The following ADGRB3 variants were observed in gnomAD, a reference collection of about 807,000 sequenced individuals.
ADGRB3 encodes the protein adhesion G protein-coupled receptor B3, also known as brain-specific angiogenesis inhibitor 3.
Under a neutral mutation model 193.4 loss-of-function variants are expected in ADGRB3, and 37 were observed. The observed-to-expected ratio is 0.19, with a 90% confidence interval of 0.15 to 0.25. ADGRB3 has a LOEUF of 0.25. Ranked by LOEUF, ADGRB3 falls within the 10% of genes least tolerant of loss-of-function variation. ADGRB3 has a pLI of 1.00. For missense variants in ADGRB3, 1,637 were observed against 1,852.9 expected, an observed-to-expected ratio of 0.88 and a Z score of 2.14; for synonymous variants, 690 against 644.2, an observed-to-expected ratio of 1.07 and a Z score of -1.08.
intron 3 of ADGRB3, among the ~76,000 whole-genome samples, chr6:68,796,125 T>G (rs1282997988): frequency 1.3e-5 from 2 of 152,286 alleles, no homozygotes; most frequent in Non-Finnish European, 2.9e-5. Context: ...TTTCATCCTT[T>G]GCCTGTAACA....
At position 69,246,318 on chromosome 6, in the gene ADGRB3, T is replaced by C. The variant is rs1203087119; in HGVS notation, c.2814+7092T>C. ...ACACCTATTTAGATTCATTAAAATC[T>C]AATTTGTTGACTTGCTATGACGTTT... On this transcript the variant is annotated intron_variant, in intron 20 of 31. Transcript: ENST00000370598. Among the ~76,000 whole-genome samples, 6 of 152,312 alleles carry C rather than the reference T, an allele frequency of 3.9e-5. No individual in the cohort carries two copies. In the South Asian group the frequency reaches 8.3e-4, roughly 21 times the overall value.
At chr6:68,988,851 A>G (rs1030131622) in intron 10 of ADGRB3, among the ~76,000 whole-genome samples, 3 of 152,166 alleles carry the variant, frequency 2.0e-5, no homozygotes, top group Non-Finnish European at 4.4e-5. Context: ...CAGGCCTGCA[A>G]TGTGTCTAAG....
intron 26 of ADGRB3, among the ~76,000 whole-genome samples, chr6:69,344,995 A>AC (rs1561993958): frequency 6.9e-6 from 1 of 144,566 alleles, no homozygotes; most frequent in Non-Finnish European, 1.5e-5. Context: ...GACCCTAGTG[A>AC]TTTTTTTTTT....
intron 20 of ADGRB3, among the ~76,000 whole-genome samples, chr6:69,249,634 C>A (rs1185668841): frequency 2.0e-5 from 3 of 152,162 alleles, no homozygotes; most frequent in Non-Finnish European, 4.4e-5. Context: ...AGACAGAGTT[C>A]TCTTTTTACC....
chr6:68,987,888 A>G (rs760900948), intron 10 of ADGRB3, among the ~76,000 whole-genome samples: 1 of 152,150 alleles, frequency 6.6e-6, no homozygotes, highest in Non-Finnish European at 1.5e-5. Context: ...ATAACTGTAG[A>G]TGTCTAAAAT....
intron 3 of ADGRB3, among the ~76,000 whole-genome samples, chr6:68,884,585 ATGAG>A (rs1765849164): frequency 6.6e-6 from 1 of 152,140 alleles, no homozygotes; most frequent in Admixed American, 6.5e-5. Flanking sequence ...ATGGTCTGAG[ATGAG>A]GTTGGAGACA....
chr6:69,163,955 A>T (rs537883579), intron 17 of ADGRB3, among the ~76,000 whole-genome samples: 13 of 152,212 alleles, frequency 8.5e-5, no homozygotes, highest in African/African-American at 2.9e-4. Flanking sequence ...GTGCCTGATG[A>T]GGCATCTTTC....
At chr6:69,307,811 C>T (rs1768098193) in intron 20 of ADGRB3, among the ~76,000 whole-genome samples, 1 of 151,368 alleles carries the variant, frequency 6.6e-6, no homozygotes, top group Non-Finnish European at 1.5e-5. Context: ...AAGAATTAGG[C>T]AAATGGCTAA....
chr6:69,132,637 C>T (rs561303252), intron 17 of ADGRB3, among the ~76,000 whole-genome samples: 136 of 152,120 alleles, frequency 8.9e-4, no homozygotes, highest in Non-Finnish European at 1.7e-3. Context: ...TAATTAGATC[C>T]GATTTGTCTA....
chr6:69,077,866 T>A (rs1192835742), intron 17 of ADGRB3, among the ~76,000 whole-genome samples: 2 of 151,972 alleles, frequency 1.3e-5, no homozygotes, highest in Non-Finnish European at 2.9e-5. Flanking sequence ...CGAAAAGTGA[T>A]CAAAAACCTT....
intron 3 of ADGRB3, among the ~76,000 whole-genome samples, chr6:68,818,230 G>A (rs1767674052): frequency 1.3e-5 from 2 of 151,974 alleles, no homozygotes; most frequent in South Asian, 2.1e-4. Flanking sequence ...TTAATTATGC[G>A]GGAAAACAAG....
intron 17 of ADGRB3, among the ~76,000 whole-genome samples, chr6:69,159,078 G>T (rs1188168538): frequency 6.6e-6 from 1 of 152,010 alleles, no homozygotes; most frequent in African/African-American, 2.4e-5. Context: ...TCTAATGTCT[G>T]AAGTTTCTAA....
intron 3 of ADGRB3, among the ~76,000 whole-genome samples, chr6:68,883,430 C>T (rs957140032): frequency 6.6e-6 from 1 of 152,168 alleles, no homozygotes; most frequent in Admixed American, 6.5e-5. Context: ...CGTCTCCTTC[C>T]ACGTTGTAGG....
At chr6:68,863,623 G>T (rs1765215987) in intron 3 of ADGRB3, among the ~76,000 whole-genome samples, 1 of 151,912 alleles carries the variant, frequency 6.6e-6, no homozygotes, top group Non-Finnish European at 1.5e-5. Context: ...GTACATAAAA[G>T]GCATTTATTG....
intron 20 of ADGRB3, among the ~76,000 whole-genome samples, chr6:69,306,301 A>ACTT (rs3842105): frequency 0.44 from 67,101 of 151,094 alleles, 17,108 homozygotes; most frequent in African/African-American, 0.68. Context: ...ATAACATGTA[A>ACTT]CTTCTTAAAA....
intron 11 of ADGRB3, among the ~76,000 whole-genome samples, chr6:69,005,086 G>A (rs1582387465): frequency 6.6e-6 from 1 of 152,186 alleles, no homozygotes; most frequent in East Asian, 1.9e-4. Context: ...TGATGATTTT[G>A]TCACACTGAG....
chr6:68,805,815 A>T (rs1233674218), intron 3 of ADGRB3, among the ~76,000 whole-genome samples: 1 of 152,244 alleles, frequency 6.6e-6, no homozygotes, highest in South Asian at 2.1e-4. Context: ...TTATTCCATT[A>T]TATTTCCTAT....
At chr6:69,182,605 A>AT (rs780382945) in intron 17 of ADGRB3, among the ~76,000 whole-genome samples, 4 of 151,160 alleles carry the variant, frequency 2.6e-5, no homozygotes, top group Admixed American at 6.6e-5. Context: ...TTTTTCCCTT[A>AT]TTTTTTTTCA....
At chr6:69,382,218 C>T (rs1769964369) in intron 30 of ADGRB3, among the ~76,000 whole-genome samples, 1 of 151,954 alleles carries the variant, frequency 6.6e-6, no homozygotes, top group Non-Finnish European at 1.5e-5. Context: ...GAATCTATAC[C>T]ATCTCCTAAA....
Sources: gnomAD v4.1 joint callset for allele counts (sites outside exome capture counted in the v4.1 genomes callset) on GRCh38, gnomAD v4.1.1 for gene constraint, MANE v1.5 for transcripts, NCBI Gene and HGNC (gene_info 2026-07-23, HGNC 2026-07-21) for gene names.